Variants in TGFA observed in about 807,000 individuals in gnomAD.
TGFA encodes protransforming growth factor alpha.
Under a neutral mutation model 21.7 loss-of-function variants are expected in TGFA, and 12 were observed. The observed-to-expected ratio is 0.55, with a 90% CI of 0.35 to 0.90. The LOEUF (loss-of-function observed/expected upper bound fraction) is 0.90. TGFA is among the 40% of genes least tolerant of loss of function. The pLI, the probability that TGFA is intolerant of heterozygous loss-of-function variation, is 0.01. For synonymous variants in TGFA, 79 were observed against 88.1 expected (o/e 0.90, Z 0.58); for missense variants, 178 against 210.8 (o/e 0.84, Z 0.96).
intron 1 of TGFA, among the ~76,000 whole-genome samples, chr2:70,521,610 T>G (rs774757759): frequency 7.0e-5 from 6 of 86,270 alleles, no homozygotes; most frequent in Non-Finnish European, 1.3e-4. Context: ...TTTGTTGTTG[T>G]TTGTTTGTTT....
At chr2:70,536,159 G>A (rs947980790) in intron 1 of TGFA, among the ~76,000 whole-genome samples, 2 of 152,178 alleles carry the variant, frequency 1.3e-5, no homozygotes, top group Non-Finnish European at 2.9e-5. Flanking sequence ...ATTGAGAGAC[G>A]CAGAAATAGC....
At chr2:70,487,556 C>T (rs1418272009) in intron 2 of TGFA, among the ~76,000 whole-genome samples, 1 of 152,152 alleles carries the variant, frequency 6.6e-6, no homozygotes, top group Non-Finnish European at 1.5e-5. Context: ...ACTGTGACCA[C>T]ATGAGGTCAG....
chr2:70,527,003 A>G (rs1284537935), intron 1 of TGFA, among the ~76,000 whole-genome samples: 2 of 152,364 alleles, frequency 1.3e-5, no homozygotes, highest in South Asian at 2.1e-4. Context: ...AGTCAAAACC[A>G]ATTGATAAAG....
intron 1 of TGFA, among the ~76,000 whole-genome samples, chr2:70,534,439 G>A (rs549045749): frequency 1.1e-4 from 16 of 152,344 alleles, no homozygotes; most frequent in African/African-American, 3.8e-4. Flanking sequence ...TGCCCCAGGG[G>A]CTGTGGCTCA....
At chr2:70,489,983 G>A (rs3911079) in intron 2 of TGFA, among the ~76,000 whole-genome samples, 71,170 of 152,004 alleles carry the variant, frequency 0.47, 16,874 homozygotes, top group East Asian at 0.58. Flanking sequence ...CCATGCCAGG[G>A]CCCACCCCCA....
chr2:70,461,099 T>A (rs1357827649), intron 3 of TGFA, among the ~76,000 whole-genome samples: 1 of 152,202 alleles, frequency 6.6e-6, no homozygotes, highest in African/African-American at 2.4e-5. Flanking sequence ...AGTATCCTCA[T>A]TTTGTGCACA....
intron 1 of TGFA, among the ~76,000 whole-genome samples, chr2:70,547,509 C>T (rs909160551): frequency 1.3e-5 from 2 of 148,674 alleles, no homozygotes; most frequent in Non-Finnish European, 3.0e-5. Context: ...TGCCACTGCA[C>T]TCCAGCCTGG....
intron 2 of TGFA, among the ~76,000 whole-genome samples, chr2:70,466,529 A>C (rs995995805): frequency 2.6e-5 from 4 of 152,172 alleles, no homozygotes; most frequent in African/African-American, 9.7e-5. Context: ...AACCAAAAAA[A>C]CAAACAAACA....
chr2:70,534,980 G>C (rs1421024738), intron 1 of TGFA, among the ~76,000 whole-genome samples: 1 of 152,078 alleles, frequency 6.6e-6, no homozygotes, highest in South Asian at 2.1e-4. Context: ...TCCTTATTCT[G>C]CTACTTGCTG....
intron 4 of TGFA, 34 bp from the exon 5 acceptor site, chr2:70,453,361 A>AGCCT (rs781954461): frequency 6.3e-7 from 1 of 1,598,988 alleles, no homozygotes; most frequent in Admixed American, 1.7e-5. Context: ...TCTGGGCAGG[A>AGCCT]GCCTGGTAGG....
At chr2:70,489,954 A>T (rs1553497285) in intron 2 of TGFA, among the ~76,000 whole-genome samples, 2 of 152,172 alleles carry the variant, frequency 1.3e-5, no homozygotes, top group African/African-American at 4.8e-5. Context: ...CACGCATTGC[A>T]GTCACCTTGG....
intron 2 of TGFA, among the ~76,000 whole-genome samples, chr2:70,490,100 T>C (rs115493303): frequency 0.034 from 5,123 of 152,218 alleles, 279 homozygotes; most frequent in African/African-American, 0.12. Context: ...GAACAACTGG[T>C]CTAGTATACA....
intron 2 of TGFA, among the ~76,000 whole-genome samples, chr2:70,479,124 G>A (rs576649362): frequency 6.6e-6 from 1 of 152,174 alleles, no homozygotes; most frequent in South Asian, 2.1e-4. Context: ...CAGTTGCTTG[G>A]ACACATTATC....
At chr2:70,471,500 A>G (rs116790811) in intron 2 of TGFA, among the ~76,000 whole-genome samples, 2 of 152,332 alleles carry the variant, frequency 1.3e-5, no homozygotes, top group African/African-American at 2.4e-5. Context: ...GCCATCTCCA[A>G]CAAGTGAGGG....
At chr2:70,536,642 G>T (rs1553504429) in intron 1 of TGFA, among the ~76,000 whole-genome samples, 1 of 152,146 alleles carries the variant, frequency 6.6e-6, no homozygotes, top group African/African-American at 2.4e-5. Context: ...AAAATATTTT[G>T]AACTAAATGA....
intron 3 of TGFA, among the ~76,000 whole-genome samples, chr2:70,465,397 T>C (rs11466247): frequency 0.033 from 5,017 of 152,190 alleles, 253 homozygotes; most frequent in African/African-American, 0.11. Flanking sequence ...CTTCCCGGGG[T>C]TCTGCCTCAG....
intron 4 of TGFA, among the ~76,000 whole-genome samples, chr2:70,454,972 A>G (rs1366158325): frequency 6.6e-6 from 1 of 152,218 alleles, no homozygotes; most frequent in Non-Finnish European, 1.5e-5. Flanking sequence ...AGGATGGGGC[A>G]GCACACACAG....
chr2:70,546,364 T>C (rs1472348986), intron 1 of TGFA, among the ~76,000 whole-genome samples: 1 of 152,198 alleles, frequency 6.6e-6, no homozygotes, highest in Non-Finnish European at 1.5e-5. Context: ...GTTTGTTACA[T>C]GGGTATATCG....
intron 1 of TGFA, among the ~76,000 whole-genome samples, chr2:70,542,717 CA>C (rs1271251565): frequency 6.6e-6 from 1 of 152,180 alleles, no homozygotes; most frequent in Non-Finnish European, 1.5e-5. Flanking sequence ...ATATACTCTC[CA>C]AATCAGAAGT....
Sources: gnomAD v4.1 joint callset for allele counts (sites outside exome capture counted in the v4.1 genomes callset) on GRCh38, gnomAD v4.1.1 for gene constraint, MANE v1.5 for transcripts, NCBI Gene and HGNC (gene_info 2026-07-23, HGNC 2026-07-21) for gene names.